The following GPC3 variants were observed in gnomAD, a reference collection of about 807,000 sequenced individuals.
The protein encoded by GPC3 is glypican-3.
Under a neutral mutation model 34.4 loss-of-function variants are expected in GPC3, and 3 were observed. The observed-to-expected ratio is 0.09, with a 90% CI of 0.04 to 0.23. The LOEUF (loss-of-function observed/expected upper bound fraction) is 0.23. GPC3 is among the 10% of genes least tolerant of loss of function. The probability of loss-of-function intolerance (pLI) is 1.00; values close to 1 mark genes in which losing one functional copy is unlikely to be tolerated. For missense variants in GPC3, 351 were observed against 445.6 expected (o/e 0.79, Z 1.91); for synonymous variants, 177 against 174.0 (o/e 1.02, Z -0.13).
chrX:133,949,377 T>C (rs2076382689), intron 2 of GPC3, among the ~76,000 whole-genome samples: 1 of 111,531 alleles, frequency 9.0e-6, no homozygotes, highest in South Asian at 3.8e-4. Flanking sequence ...AAGTGCCACA[T>C]TTAGTGAGTT....
chrX:133,867,200 A>G (rs1192133039), intron 2 of GPC3, among the ~76,000 whole-genome samples: 1 of 109,780 alleles, frequency 9.1e-6, no homozygotes, highest in African/African-American at 3.3e-5. Flanking sequence ...TCTGTCTCAA[A>G]AAAAAAAAAA....
chrX:133,942,441 G>C (rs1361573691), intron 2 of GPC3, among the ~76,000 whole-genome samples: 4 of 111,674 alleles, frequency 3.6e-5, no homozygotes, highest in African/African-American at 1.3e-4. Context: ...TAAGTAAAGG[G>C]TAGCCCCTAG....
chrX:133,661,802 G>A lies in GPC3; in HGVS notation c.1341C>T (p.Leu447=). 5.8e-6 allele frequency: 7 copies of A among 1,198,420 alleles called. No homozygotes were observed. The highest frequency in any genetic ancestry group is 7.9e-6 in the Non-Finnish European group (7 of 884,710). ...ARNGMKNQFN[L]HELKMKGPEP... ...CAGGGCCCTTCATTTTCAGCTCATG[G>A]AGATTGAACTGGTTTTTCATTCCAT... Residue 447 remains leucine, a synonymous_variant, in exon 6 of 8, where the codon CTC becomes CTT. Coordinates refer to ENST00000370818, the MANE Select transcript of GPC3 (RefSeq NM_004484.4).
Position 133,917,244 on chromosome X carries a change from G to A in GPC3, c.337+35806C>T, listed in dbSNP as rs182412325. The stretch of plus-strand genomic sequence containing the variant: ...TCTTTTTGTTCAATGTGTTCCATGT[G>A]TTCAGACTGGAGTCTGAGAAAGAAT... On this transcript the variant is annotated intron_variant, in intron 2 of 7. Transcript: ENST00000370818. Among the ~76,000 whole-genome samples, 3 of 111,734 alleles carry A rather than the reference G, an allele frequency of 2.7e-5. No homozygotes were observed. The Admixed American group carries it at 2.8e-4, about 11-fold the overall frequency.
At chrX:133,739,324 T>C (rs1473442369) in intron 3 of GPC3, among the ~76,000 whole-genome samples, 1 of 111,932 alleles carries the variant, frequency 8.9e-6, no homozygotes, top group Non-Finnish European at 1.9e-5. Context: ...AGTGCCTCCA[T>C]GTGAGAGAAG....
intron 6 of GPC3, among the ~76,000 whole-genome samples, chrX:133,616,945 A>G (rs180932148): frequency 0.062 from 6,881 of 110,442 alleles, 551 homozygotes; most frequent in African/African-American, 0.21. Flanking sequence ...TGATCCACCC[A>G]CCTCAGCCTC....
chrX:133,870,204 T>C (rs778202394), intron 2 of GPC3, among the ~76,000 whole-genome samples: 14 of 112,043 alleles, frequency 1.2e-4, no homozygotes, highest in African/African-American at 4.2e-4. Context: ...GGTCAAAAAA[T>C]TGATGATTTA....
At chrX:133,985,147 C>T (rs1353807752) in intron 1 of GPC3, 128 bp downstream of exon 1, 1 of 700,597 alleles carries the variant, frequency 1.4e-6, no homozygotes, top group African/African-American at 2.1e-5. Context: ...GCACACCGAC[C>T]ACTCCCAAGT....
chrX:133,802,486 T>C (rs1292108143), intron 2 of GPC3, among the ~76,000 whole-genome samples: 1 of 112,120 alleles, frequency 8.9e-6, no homozygotes, highest in Non-Finnish European at 1.9e-5. Context: ...AAACTCATAA[T>C]GATGATCACC....
intron 3 of GPC3, among the ~76,000 whole-genome samples, chrX:133,752,666 C>T (rs975991122): frequency 8.9e-6 from 1 of 111,830 alleles, no homozygotes; most frequent in Admixed American, 9.5e-5. Flanking sequence ...CTGACTGAAA[C>T]CAAGGAAACT....
intron 6 of GPC3, among the ~76,000 whole-genome samples, chrX:133,657,005 C>T (rs2070670447): frequency 8.9e-6 from 1 of 111,821 alleles, no homozygotes; most frequent in African/African-American, 3.2e-5. Flanking sequence ...CTCGTCCACT[C>T]CCCCACCATT....
At chrX:133,741,596 G>A (rs765891050) in intron 3 of GPC3, among the ~76,000 whole-genome samples, 8 of 112,471 alleles carry the variant, frequency 7.1e-5, no homozygotes, top group Non-Finnish European at 1.3e-4. Flanking sequence ...AGTTGCTGCA[G>A]TAGAGAGCAA....
intron 2 of GPC3, among the ~76,000 whole-genome samples, chrX:133,827,608 C>A (rs1025791255): frequency 9.0e-6 from 1 of 110,943 alleles, no homozygotes; most frequent in Non-Finnish European, 1.9e-5. Context: ...CCTGGTGAAA[C>A]CTTGTCTCTA....
intron 2 of GPC3, among the ~76,000 whole-genome samples, chrX:133,865,516 C>T (rs1246345865): frequency 8.9e-6 from 1 of 111,771 alleles, no homozygotes. Flanking sequence ...AGACATTTCA[C>T]ACAGGAAAAT....
At chrX:133,545,876 A>T (rs1333528698) in intron 7 of GPC3, among the ~76,000 whole-genome samples, 2 of 110,639 alleles carry the variant, frequency 1.8e-5, no homozygotes, top group Non-Finnish European at 3.8e-5. Context: ...ATGGAGACAC[A>T]AAATGTGGTA....
At chrX:133,676,445 G>A (rs1017789881) in intron 5 of GPC3, among the ~76,000 whole-genome samples, 3 of 112,308 alleles carry the variant, frequency 2.7e-5, no homozygotes, top group Non-Finnish European at 5.6e-5. Flanking sequence ...GCACTCGACA[G>A]GCCCAAGCCT....
At chrX:133,946,135 C>G (rs1271845947) in intron 2 of GPC3, among the ~76,000 whole-genome samples, 1 of 111,985 alleles carries the variant, frequency 8.9e-6, no homozygotes, top group Non-Finnish European at 1.9e-5. Flanking sequence ...TATCCAGTTG[C>G]TCAGCCAATG....
chrX:133,616,955 C>T (rs911286836), intron 6 of GPC3, among the ~76,000 whole-genome samples: 5 of 111,216 alleles, frequency 4.5e-5, no homozygotes, highest in Admixed American at 1.9e-4. Context: ...ACCTCAGCCT[C>T]CCAAAGTACT....
chrX:133,905,121 G>T (rs942149244), intron 2 of GPC3, among the ~76,000 whole-genome samples: 6 of 111,934 alleles, frequency 5.4e-5, no homozygotes, highest in Non-Finnish European at 1.1e-4. Flanking sequence ...TTGTATTAAA[G>T]AAAAAAGAGC....
Sources: gnomAD v4.1 joint callset for allele counts (sites outside exome capture counted in the v4.1 genomes callset) on GRCh38, gnomAD v4.1.1 for gene constraint, MANE v1.5 for transcripts, NCBI Gene and HGNC (gene_info 2026-07-23, HGNC 2026-07-21) for gene names.